The following PPARGC1A variants were observed in gnomAD, a reference collection of about 807,000 sequenced individuals.
PPARGC1A encodes PPARG coactivator 1 alpha, also known as peroxisome proliferator-activated receptor gamma coactivator 1-alpha.
Under a neutral mutation model 88.7 loss-of-function variants are expected in PPARGC1A, and 25 were observed. The ratio of observed to expected loss-of-function variants is 0.28; its 90% CI spans 0.21 to 0.39. PPARGC1A has a LOEUF of 0.39. Among genes scored for constraint, PPARGC1A ranks in the 10% least tolerant of loss-of-function variants. The probability of loss-of-function intolerance (pLI) is 1.00; values close to 1 mark genes in which losing one functional copy is unlikely to be tolerated. For synonymous variants in PPARGC1A, 363 were observed against 355.6 expected (o/e 1.02, Z -0.24); for missense variants, 880 against 968.7 (o/e 0.91, Z 1.22).
the PPARGC1A span, among the ~76,000 whole-genome samples, chr4:24,065,025 G>C: frequency 6.6e-6 from 1 of 152,230 alleles, no homozygotes; most frequent in African/African-American, 2.4e-5. Flanking sequence ...GGGACACCTT[G>C]CAACGAGTTT....
the PPARGC1A span, among the ~76,000 whole-genome samples, chr4:24,448,624 G>A: frequency 5.3e-5 from 8 of 152,156 alleles, no homozygotes; most frequent in South Asian, 2.1e-4. Context: ...CCACAGCCTC[G>A]AACTCTCCCA....
chr4:23,843,499 T>G (rs1727435910), intron 2 of PPARGC1A, among the ~76,000 whole-genome samples: 1 of 152,058 alleles, frequency 6.6e-6, no homozygotes, highest in African/African-American at 2.4e-5. Context: ...GGATTTATCT[T>G]TACTGCTAAT....
At chr4:24,046,916 C>G in the PPARGC1A span, among the ~76,000 whole-genome samples, 1 of 152,100 alleles carries the variant, frequency 6.6e-6, no homozygotes, top group Admixed American at 6.6e-5. Context: ...ATGGAAGAAC[C>G]TGAGTTCCTG....
chr4:23,892,727 T>C (rs1381666975), upstream of PPARGC1A, among the ~76,000 whole-genome samples: 5 of 152,092 alleles, frequency 3.3e-5, no homozygotes, highest in Admixed American at 3.3e-4. Flanking sequence ...AATTCCCAAA[T>C]ATCTGGTTTC....
chr4:23,804,480 C>T (rs1363453484), intron 10 of PPARGC1A, among the ~76,000 whole-genome samples: 2 of 152,150 alleles, frequency 1.3e-5, no homozygotes, highest in Non-Finnish European at 2.9e-5. Flanking sequence ...CATGTTTATT[C>T]TTCTCCAATC....
At chr4:24,268,930 T>C in the PPARGC1A span, among the ~76,000 whole-genome samples, 1 of 152,216 alleles carries the variant, frequency 6.6e-6, no homozygotes, top group African/African-American at 2.4e-5. Context: ...AAGAACAGAA[T>C]ACACATAGTC....
At chr4:24,071,631 T>C in the PPARGC1A span, among the ~76,000 whole-genome samples, 1 of 152,086 alleles carries the variant, frequency 6.6e-6, no homozygotes, top group Admixed American at 6.6e-5. Flanking sequence ...TTTTAAATGG[T>C]CTAACTTTCT....
the PPARGC1A span, among the ~76,000 whole-genome samples, chr4:24,202,526 A>G: frequency 6.6e-6 from 1 of 152,198 alleles, no homozygotes; most frequent in South Asian, 2.1e-4. Context: ...GAAAGCTGAC[A>G]AAGTGACATC....
At chr4:24,137,874 C>A in the PPARGC1A span, among the ~76,000 whole-genome samples, 1 of 152,166 alleles carries the variant, frequency 6.6e-6, no homozygotes, top group Non-Finnish European at 1.5e-5. Flanking sequence ...TAACCCGTTT[C>A]CCCCCTCAAA....
chr4:24,194,314 T>C, the PPARGC1A span, among the ~76,000 whole-genome samples: 4 of 152,144 alleles, frequency 2.6e-5, no homozygotes, highest in Admixed American at 6.5e-5. Flanking sequence ...TCCAATTAAA[T>C]AACCAGACAG....
chr4:24,055,476 C>T, the PPARGC1A span, among the ~76,000 whole-genome samples: 5 of 152,002 alleles, frequency 3.3e-5, no homozygotes, highest in Non-Finnish European at 5.9e-5. Flanking sequence ...AGATGTTTAT[C>T]GAACAACTAT....
chr4:23,802,345 C>T lies in PPARGC1A; in HGVS notation c.2020G>A (p.Glu674Lys), dbSNP rs931781566. Residue 674 changes from glutamate (E) to lysine (K), a missense_variant and splice_region_variant, in exon 11 of 13, where the codon GAA becomes AAA. Physicochemically the swap from Glu to Lys is moderately conservative, Grantham distance 56. Transcript: ENST00000264867. Reference protein sequence around the residue: ...QRERQRQKAIEERRVIYVGKI... With the variant: ...QRERQRQKAIKERRVIYVGKI... The stretch of plus-strand genomic sequence containing the variant: ...CCGACATAAATCACACGGCGCTCTT[C>T]CTATGGGGGGAAGGAAGGAGAGAGT... The T allele has an allele frequency of 6.2e-7, 1 of 1,613,840 alleles. No individual in the cohort carries two copies. Among genetic ancestry groups the T allele is most frequent in the African/African-American group, 1.3e-5 (1 of 74,908 alleles).
chr4:23,893,912 CT>C (rs1718205802), upstream of PPARGC1A, among the ~76,000 whole-genome samples: 1 of 152,060 alleles, frequency 6.6e-6, no homozygotes, highest in South Asian at 2.1e-4. Flanking sequence ...AAGATCAGCA[CT>C]TCATATACCA....
the PPARGC1A span, among the ~76,000 whole-genome samples, chr4:24,110,803 C>T: frequency 6.6e-6 from 1 of 152,102 alleles, no homozygotes; most frequent in South Asian, 2.1e-4. Flanking sequence ...ATGAGATATA[C>T]GTTGTATCTA....
the PPARGC1A span, among the ~76,000 whole-genome samples, chr4:23,933,292 C>T: frequency 6.6e-6 from 1 of 152,166 alleles, no homozygotes; most frequent in Non-Finnish European, 1.5e-5. Context: ...GAATTTTTCT[C>T]CTATGTAGAA....
the PPARGC1A span, among the ~76,000 whole-genome samples, chr4:23,913,267 T>TATATAGAGAGAGAGAG: frequency 1.3e-5 from 1 of 77,528 alleles, no homozygotes; most frequent in African/African-American, 5.6e-5. Context: ...TATATATATA[T>TATATAGAGAGAGAGAG]AGAGAGAGAG....
chr4:23,990,740 G>A, the PPARGC1A span, among the ~76,000 whole-genome samples: 1 of 152,132 alleles, frequency 6.6e-6, no homozygotes, highest in South Asian at 2.1e-4. Flanking sequence ...CAGAAATGGA[G>A]GAGCATCCAA....
the PPARGC1A span, among the ~76,000 whole-genome samples, chr4:24,469,120 G>T: frequency 6.6e-6 from 1 of 152,208 alleles, no homozygotes; most frequent in Admixed American, 6.5e-5. Context: ...AAGCATTTTG[G>T]CAGCAATCAG....
the PPARGC1A span, among the ~76,000 whole-genome samples, chr4:24,062,029 C>T: frequency 2.6e-5 from 4 of 152,226 alleles, no homozygotes; most frequent in Non-Finnish European, 5.9e-5. Flanking sequence ...AGAACCCAAG[C>T]AAACATACCA....
Sources: gnomAD v4.1 joint callset for allele counts (sites outside exome capture counted in the v4.1 genomes callset) on GRCh38, gnomAD v4.1.1 for gene constraint, MANE v1.5 for transcripts, NCBI Gene and HGNC (gene_info 2026-07-23, HGNC 2026-07-21) for gene names.